The following CDYL variants were observed in gnomAD, a reference collection of about 807,000 sequenced individuals.
CDYL encodes chromodomain Y like.
A neutral mutation model predicts 47.3 loss-of-function variants in CDYL; 8 were observed. That is an observed-to-expected ratio of 0.17 (90% CI 0.10 to 0.31). CDYL has a LOEUF of 0.31. Among genes scored for constraint, CDYL ranks in the 10% least tolerant of loss-of-function variants. The pLI, the probability that CDYL is intolerant of heterozygous loss-of-function variation, is 1.00. For missense variants in CDYL, 471 were observed against 701.4 expected (o/e 0.67, Z 3.71); for synonymous variants, 266 against 265.0 (o/e 1.00, Z -0.04).
At chr6:4,755,920 A>G (rs760366597) in intron 3 of CDYL, among the ~76,000 whole-genome samples, 1 of 152,200 alleles carries the variant, frequency 6.6e-6, no homozygotes, top group Non-Finnish European at 1.5e-5. Flanking sequence ...TTCTTCTTGT[A>G]TGCCTATTTT....
intron 2 of CDYL, among the ~76,000 whole-genome samples, chr6:4,899,284 A>G (rs1415795887): frequency 6.6e-6 from 1 of 152,256 alleles, no homozygotes; most frequent in African/African-American, 2.4e-5. Flanking sequence ...CCTGTGAATT[A>G]CAGTGGTGAA....
At chr6:4,850,559 T>C (rs1408903669) in intron 1 of CDYL, among the ~76,000 whole-genome samples, 1 of 152,234 alleles carries the variant, frequency 6.6e-6, no homozygotes, top group African/African-American at 2.4e-5. Context: ...AGAGTTCTTT[T>C]CCTTGTAAGA....
At position 4,781,440 on chromosome 6, in the gene CDYL, GAA is replaced by G. The variant is rs572696559; in HGVS notation, c.24+4637_24+4638del. 1.6e-4 allele frequency among the ~76,000 whole-genome samples: 25 copies of G among 152,298 alleles called. 1 individual carries two copies. In the South Asian group the frequency reaches 4.8e-3, roughly 29 times the overall value. On this transcript the variant is annotated intron_variant, in intron 1 of 6. Transcript: ENST00000397588. ...GATTGGAATCACCAAAATTAGTAAA[GAA>G]AAAGAGTTCATTTGACTTCAGGAGT...
chr6:4,776,818 T>TA lies in CDYL; in HGVS notation c.24+11_24+12insA. ...GAGGAGCTGTACGAGGTACCTCCCC[T>TA]CCCCCCGGCCTCGGGCCGCCCCCCG... On this transcript the variant is annotated intron_variant, in intron 1 of 6. Transcript: ENST00000397588. The TA allele has an allele frequency of 1.3e-6, 1 of 756,586 alleles. No individual in the cohort carries two copies. The highest frequency in any genetic ancestry group is 1.6e-6 in the Non-Finnish European group (1 of 628,944). The allele number at this position is 756,586 out of a possible 1,614,324, so 46.9% of individuals were successfully genotyped here.
At position 4,953,845 on chromosome 6, in the gene CDYL, C is replaced by T. The variant is rs888207626; in HGVS notation, c.1477-53C>T. The T allele has an allele frequency of 2.6e-6, 4 of 1,550,818 alleles. No homozygotes were observed. The South Asian group carries it at 4.8e-5, about 19-fold the overall frequency. On this transcript the variant is annotated intron_variant, in intron 6 of 6. Transcript: ENST00000397588. The stretch of plus-strand genomic sequence containing the variant: ...TCCGTAAATGTGGAGGCACAGGGGA[C>T]CCGTGTCTGCCCGCATGCACCCTGC...
At chr6:4,866,158 G>A (rs988139454) in intron 1 of CDYL, among the ~76,000 whole-genome samples, 7 of 152,032 alleles carry the variant, frequency 4.6e-5, no homozygotes, top group African/African-American at 9.7e-5. Flanking sequence ...AAAACAAACC[G>A]GAATTAAGAG....
chr6:4,885,278 G>GC (rs1761871572), intron 1 of CDYL, among the ~76,000 whole-genome samples: 1 of 152,202 alleles, frequency 6.6e-6, no homozygotes, highest in Non-Finnish European at 1.5e-5. Context: ...ACAGACGTGA[G>GC]CTACTGTGCC....
chr6:4,776,911 C>T (rs1758474742), intron 1 of CDYL, 104 bp downstream of exon 1: 1 of 375,330 alleles, frequency 2.7e-6, no homozygotes, highest in Non-Finnish European at 3.7e-6. Flanking sequence ...CCGCCGCGTC[C>T]CCTCCCCCGC....
intron 3 of CDYL, among the ~76,000 whole-genome samples, chr6:4,743,161 A>G (rs908479597): frequency 1.3e-5 from 2 of 152,190 alleles, no homozygotes; most frequent in African/African-American, 4.8e-5. Flanking sequence ...GTTGGGTGAG[A>G]TGGGAACACG....
At chr6:4,859,865 CACAA>C (rs1387835852) in intron 1 of CDYL, among the ~76,000 whole-genome samples, 1 of 151,930 alleles carries the variant, frequency 6.6e-6, no homozygotes, top group African/African-American at 2.4e-5. Context: ...CTTTTGCCAA[CACAA>C]ACACAGTTCA....
chr6:4,783,186 T>TTTTC (rs1554097711), intron 1 of CDYL, among the ~76,000 whole-genome samples: 28 of 134,818 alleles, frequency 2.1e-4, no homozygotes, highest in African/African-American at 9.7e-4. Flanking sequence ...GGGATTTTTT[T>TTTTC]TTTTCTTAAG....
At chr6:4,859,446 T>C (rs1208109013) in intron 1 of CDYL, among the ~76,000 whole-genome samples, 2 of 152,184 alleles carry the variant, frequency 1.3e-5, no homozygotes, top group East Asian at 1.9e-4. Context: ...GATGGAGTTA[T>C]GTCCCTGCCA....
chr6:4,723,116 G>A (rs1002294164), intron 2 of CDYL, among the ~76,000 whole-genome samples: 2 of 152,024 alleles, frequency 1.3e-5, no homozygotes, highest in African/African-American at 2.4e-5. Flanking sequence ...ATATTTGGGG[G>A]TAAAACTGCA....
intron 1 of CDYL, among the ~76,000 whole-genome samples, chr6:4,811,953 T>C (rs1759540143): frequency 6.6e-6 from 1 of 152,092 alleles, no homozygotes; most frequent in African/African-American, 2.4e-5. Flanking sequence ...TTCCACATCA[T>C]CTCCTGTGCC....
intron 2 of CDYL, among the ~76,000 whole-genome samples, chr6:4,932,961 T>G (rs866191288): frequency 6.6e-6 from 1 of 152,212 alleles, no homozygotes; most frequent in Non-Finnish European, 1.5e-5. Flanking sequence ...TGCCCATGCT[T>G]ACGAGTGGCC....
intron 2 of CDYL, among the ~76,000 whole-genome samples, chr6:4,911,419 C>T (rs1047566589): frequency 1.4e-4 from 22 of 152,170 alleles, no homozygotes; most frequent in South Asian, 6.2e-4. Flanking sequence ...TAACTGTGCA[C>T]GGTAATGAGA....
At chr6:4,789,431 C>A (rs1561638577) in intron 1 of CDYL, among the ~76,000 whole-genome samples, 4 of 152,040 alleles carry the variant, frequency 2.6e-5, no homozygotes, top group Admixed American at 2.0e-4. Context: ...CACGGTGGGC[C>A]CTCCGCACCA....
At position 4,942,031 on chromosome 6, in the gene CDYL, C is replaced by G. The variant is rs571890320; in HGVS notation, c.1122-1515C>G. ...GACCCCATATCTTCAAAAGATGACA[C>G]AACTGAAATAGCTTCATGTAGTTCT... On this transcript the variant is annotated intron_variant, in intron 4 of 6. Transcript: ENST00000397588. Among the ~76,000 whole-genome samples, 66 of 152,274 alleles carry G rather than the reference C, an allele frequency of 4.3e-4. 1 individual carries two copies. In the South Asian group the frequency reaches 0.013, roughly 31 times the overall value.
intron 1 of CDYL, among the ~76,000 whole-genome samples, chr6:4,789,914 C>T (rs751970526): frequency 1.3e-5 from 2 of 152,158 alleles, no homozygotes; most frequent in Non-Finnish European, 2.9e-5. Flanking sequence ...TAAAACAAAT[C>T]GCCTTTCAGA....
Sources: gnomAD v4.1 joint callset for allele counts (sites outside exome capture counted in the v4.1 genomes callset) on GRCh38, gnomAD v4.1.1 for gene constraint, MANE v1.5 for transcripts, NCBI Gene and HGNC (gene_info 2026-07-23, HGNC 2026-07-21) for gene names.